Variants in SNX10 observed in about 807,000 individuals in gnomAD.
SNX10 encodes sorting nexin 10.
A neutral mutation model predicts 28.5 loss-of-function variants in SNX10; 25 were observed. That is an observed-to-expected ratio of 0.88 (90% CI 0.64 to 1.22). The LOEUF (loss-of-function observed/expected upper bound fraction) is 1.22. Ranked by LOEUF, SNX10 falls within the 50% of genes most tolerant of loss-of-function variation. SNX10 has a pLI of 0.00. For missense variants in SNX10, 223 were observed against 242.6 expected (o/e 0.92, Z 0.54); for synonymous variants, 62 against 81.4 (o/e 0.76, Z 1.28).
chr7:26,329,336 G>A (rs1787635225), intron 1 of SNX10, among the ~76,000 whole-genome samples: 1 of 152,110 alleles, frequency 6.6e-6, no homozygotes, highest in African/African-American at 2.4e-5. Context: ...AGACTGTTTT[G>A]TCCCTGGTTT....
chr7:26,363,987 C>T (rs537066096), intron 3 of SNX10, among the ~76,000 whole-genome samples: 7 of 152,266 alleles, frequency 4.6e-5, no homozygotes, highest in South Asian at 2.1e-4. Flanking sequence ...TTCTCTGGCT[C>T]GGACGGACAC....
At chr7:26,312,778 CG>C (rs1786900428) in intron 1 of SNX10, among the ~76,000 whole-genome samples, 1 of 151,434 alleles carries the variant, frequency 6.6e-6, no homozygotes, top group Admixed American at 6.6e-5. Flanking sequence ...AGTGAGACTC[CG>C]TCTCAAAAAA....
At chr7:26,365,916 A>G (rs1248834237) in intron 5 of SNX10, among the ~76,000 whole-genome samples, 5 of 152,178 alleles carry the variant, frequency 3.3e-5, no homozygotes, top group Admixed American at 6.6e-5. Context: ...AAATGGGGTA[A>G]TCATAGTACC....
chr7:26,352,034 G>C (rs978043191), intron 2 of SNX10, among the ~76,000 whole-genome samples: 2 of 152,094 alleles, frequency 1.3e-5, no homozygotes, highest in Non-Finnish European at 2.9e-5. Flanking sequence ...AAGGCAGCAT[G>C]CTAATATAAA....
In SNX10 at chr7:26,374,174, T is replaced by A. The variant is rs1390153730; in HGVS notation, c.*1602T>A. 1.3e-5 allele frequency: 2 copies of A among 152,036 alleles called. No homozygotes were observed. The highest frequency in any genetic ancestry group is 2.9e-5 in the Non-Finnish European group (2 of 67,892). 9.4% of individuals were successfully genotyped at this position (152,036 alleles called of 1,614,324 possible). On this transcript the variant is annotated 3_prime_UTR_variant, in exon 7 of 7. Transcript: ENST00000338523. The stretch of plus-strand genomic sequence containing the variant: ...TATTTGAGTTCACACTATTTCTGTT[T>A]TACAGCAGTTTTGAAAAACACATAC...
chr7:26,331,228 G>A (rs1787735963), intron 1 of SNX10, among the ~76,000 whole-genome samples: 4 of 151,918 alleles, frequency 2.6e-5, no homozygotes, highest in Non-Finnish European at 4.4e-5. Flanking sequence ...CGGGTTTCAG[G>A]TAGCATGTTT....
chr7:26,305,845 G>A (rs1390663827), intron 1 of SNX10, among the ~76,000 whole-genome samples: 1 of 152,190 alleles, frequency 6.6e-6, no homozygotes, highest in Non-Finnish European at 1.5e-5. Context: ...CAGCAAGTAA[G>A]AGTTTAAGAA....
chr7:26,365,916 A>C (rs1248834237), intron 5 of SNX10, among the ~76,000 whole-genome samples: 1 of 152,178 alleles, frequency 6.6e-6, no homozygotes, highest in African/African-American at 2.4e-5. Context: ...AAATGGGGTA[A>C]TCATAGTACC....
chr7:26,311,641 C>T (rs1254385919), intron 1 of SNX10, among the ~76,000 whole-genome samples: 1 of 152,176 alleles, frequency 6.6e-6, no homozygotes, highest in African/African-American at 2.4e-5. Flanking sequence ...GGAACATTTA[C>T]ATCTCTTACT....
intron 1 of SNX10, among the ~76,000 whole-genome samples, chr7:26,337,222 A>G (rs1405453628): frequency 2.7e-5 from 4 of 148,236 alleles, no homozygotes; most frequent in Non-Finnish European, 3.0e-5. Context: ...CCTTCTTTCA[A>G]AAACTTTATT....
chr7:26,325,306 A>ATATATATATATATATATAT lies in SNX10; in HGVS notation c.-23-21114_-23-21113insTATATATATATATATATAT, dbSNP rs1787457774. 1.5e-3 allele frequency among the ~76,000 whole-genome samples: 78 copies of ATATATATATATATATATAT among 51,364 alleles called. 3 individuals are homozygous for ATATATATATATATATATAT. Among genetic ancestry groups the ATATATATATATATATATAT allele is most frequent in the Non-Finnish European group, 3.7e-3 (67 of 17,942 alleles). The allele number at this position is 51,364 out of a possible 152,430, so 33.7% of individuals were successfully genotyped here. Reference sequence around the variant, plus strand: ...AATTTTTTTCTACTGAAGTTTGCAAAATATATATATATATATATATATTTG... The same window carrying ATATATATATATATATATAT: ...AATTTTTTTCTACTGAAGTTTGCAAATATATATATATATATATATATATATATATATATATATATATTTG... On this transcript the variant is annotated intron_variant, in intron 1 of 6. Coordinates refer to ENST00000338523, the MANE Select transcript of SNX10 (RefSeq NM_013322.3).
At chr7:26,360,441 A>G (rs1451833986) in intron 2 of SNX10, 1 of 154,490 alleles carries the variant, frequency 6.5e-6, no homozygotes, top group Non-Finnish European at 1.4e-5. Context: ...TTTTGTAGAG[A>G]TGGGGTTTCA....
intron 1 of SNX10, among the ~76,000 whole-genome samples, chr7:26,309,927 A>G (rs891905707): frequency 6.6e-6 from 1 of 152,214 alleles, no homozygotes; most frequent in South Asian, 2.1e-4. Flanking sequence ...ATTAGATGAG[A>G]TAATACATGT....
At chr7:26,324,551 A>T (rs1289284869) in intron 1 of SNX10, among the ~76,000 whole-genome samples, 2 of 152,076 alleles carry the variant, frequency 1.3e-5, no homozygotes, top group African/African-American at 4.8e-5. Context: ...TGTAGAGATG[A>T]GGCCTCACTA....
At chr7:26,355,492 CT>C (rs1344740358) in intron 2 of SNX10, among the ~76,000 whole-genome samples, 2 of 152,148 alleles carry the variant, frequency 1.3e-5, no homozygotes, top group African/African-American at 4.8e-5. Flanking sequence ...TCAATAGCAT[CT>C]TAGATTTTCA....
intron 1 of SNX10, among the ~76,000 whole-genome samples, chr7:26,324,086 A>G (rs1421921422): frequency 6.6e-6 from 1 of 152,194 alleles, no homozygotes; most frequent in Admixed American, 6.5e-5. Context: ...TCACAAATAC[A>G]CTTTCTTTAA....
intron 2 of SNX10, among the ~76,000 whole-genome samples, chr7:26,360,251 T>G (rs533526382): frequency 6.6e-6 from 1 of 152,262 alleles, no homozygotes; most frequent in Non-Finnish European, 1.5e-5. Flanking sequence ...AGCTTTGGTG[T>G]CCTTTCTTTT....
chr7:26,338,350 C>T (rs1788024761), intron 1 of SNX10, among the ~76,000 whole-genome samples: 1 of 152,068 alleles, frequency 6.6e-6, no homozygotes, highest in Admixed American at 6.6e-5. Context: ...ACTGCCTAGA[C>T]AGAGCCAATT....
chr7:26,307,001 C>G (rs964884885), intron 1 of SNX10, among the ~76,000 whole-genome samples: 1 of 152,236 alleles, frequency 6.6e-6, no homozygotes, highest in Non-Finnish European at 1.5e-5. Context: ...ACTTTTACCA[C>G]TCACTGTGCT....
Sources: gnomAD v4.1 joint callset for allele counts (sites outside exome capture counted in the v4.1 genomes callset) on GRCh38, gnomAD v4.1.1 for gene constraint, MANE v1.5 for transcripts, NCBI Gene and HGNC (gene_info 2026-07-23, HGNC 2026-07-21) for gene names.